The following FSTL5 variants were observed in gnomAD, a reference collection of about 807,000 sequenced individuals.
FSTL5 encodes the protein follistatin-related protein 5.
FSTL5 carries 62 observed loss-of-function variants against 89.1 expected under a neutral mutation model. The observed-to-expected ratio is 0.70, with a 90% CI of 0.57 to 0.86. The LOEUF (loss-of-function observed/expected upper bound fraction) is 0.86. Ranked by LOEUF, FSTL5 falls within the 40% of genes least tolerant of loss-of-function variation. FSTL5 has a pLI of 0.00. For synonymous variants in FSTL5, 383 were observed against 346.2 expected (o/e 1.11, Z -1.18); for missense variants, 1,057 against 1,001.6 (o/e 1.06, Z -0.75).
intron 7 of FSTL5, among the ~76,000 whole-genome samples, chr4:161,592,045 C>G (rs1360914579): frequency 1.3e-5 from 2 of 151,944 alleles, no homozygotes; most frequent in Non-Finnish European, 2.9e-5. Flanking sequence ...AAATTTGAGA[C>G]AAAACGCTCA....
At chr4:161,730,395 A>T (rs188638754) in intron 6 of FSTL5, among the ~76,000 whole-genome samples, 1 of 152,182 alleles carries the variant, frequency 6.6e-6, no homozygotes, top group Admixed American at 6.5e-5. Context: ...TAATTGAAAA[A>T]TATGTTATAT....
intron 3 of FSTL5, among the ~76,000 whole-genome samples, chr4:161,953,181 C>T (rs534795967): frequency 1.3e-5 from 2 of 151,616 alleles, no homozygotes; most frequent in Non-Finnish European, 1.5e-5. Flanking sequence ...TGTCTGTTTG[C>T]TCTCTGTATT....
At chr4:162,150,906 T>C (rs1164324234) in intron 1 of FSTL5, among the ~76,000 whole-genome samples, 1 of 152,178 alleles carries the variant, frequency 6.6e-6, no homozygotes, top group Admixed American at 6.5e-5. Context: ...TGCCAAATAA[T>C]AGCAAATTTT....
rs796646118 is a variant in FSTL5 at position 161,804,982 on chromosome 4, AG to A, written c.410-28909del. On this transcript the variant is annotated intron_variant, in intron 4 of 15. Transcript: ENST00000306100. The stretch of plus-strand genomic sequence containing the variant: ...TCATCCCAGAATACATGCTCTTTTG[AG>A]GCAACCTGCATTTAATGACCAGTGA... Among the ~76,000 whole-genome samples, 9 of 152,164 alleles carry A rather than the reference AG, an allele frequency of 5.9e-5. No homozygotes were observed. In the South Asian group the frequency reaches 1.9e-3, roughly 32 times the overall value.
intron 15 of FSTL5, among the ~76,000 whole-genome samples, chr4:161,429,264 G>C (rs189873089): frequency 6.6e-6 from 1 of 152,274 alleles, no homozygotes. Flanking sequence ...GGTATCTCTG[G>C]ACCTGCCCAG....
At chr4:161,564,331 A>G (rs1393142939) in intron 8 of FSTL5, among the ~76,000 whole-genome samples, 1 of 151,128 alleles carries the variant, frequency 6.6e-6, no homozygotes, top group Non-Finnish European at 1.5e-5. Context: ...CATAACAATA[A>G]GGAATCATTA....
chr4:162,081,985 T>C (rs1730118545), intron 2 of FSTL5, among the ~76,000 whole-genome samples: 1 of 151,682 alleles, frequency 6.6e-6, no homozygotes, highest in South Asian at 2.1e-4. Context: ...GGATTTTAAA[T>C]GTGCATTGAT....
At chr4:161,395,752 A>C (rs1168639057) in intron 15 of FSTL5, among the ~76,000 whole-genome samples, 2 of 152,134 alleles carry the variant, frequency 1.3e-5, no homozygotes, top group African/African-American at 4.8e-5. Context: ...TTATTAAGAA[A>C]GAGAAAGACC....
At chr4:161,661,677 T>C (rs1193960175) in intron 6 of FSTL5, among the ~76,000 whole-genome samples, 1 of 152,150 alleles carries the variant, frequency 6.6e-6, no homozygotes, top group Non-Finnish European at 1.5e-5. Context: ...ATTCATAAAT[T>C]TATTATGATG....
intron 4 of FSTL5, among the ~76,000 whole-genome samples, chr4:161,879,038 T>C (rs942192346): frequency 2.6e-5 from 4 of 152,202 alleles, no homozygotes; most frequent in Non-Finnish European, 5.9e-5. Context: ...AACTATTTAA[T>C]ACTCACTCCC....
chr4:161,687,307 A>T (rs950903611), intron 6 of FSTL5, among the ~76,000 whole-genome samples: 1 of 152,194 alleles, frequency 6.6e-6, no homozygotes, highest in Non-Finnish European at 1.5e-5. Flanking sequence ...TTCAGGATAC[A>T]GTCCATTGGT....
At chr4:161,924,391 G>C (rs1379887666) in intron 3 of FSTL5, among the ~76,000 whole-genome samples, 2 of 150,456 alleles carry the variant, frequency 1.3e-5, no homozygotes, top group African/African-American at 4.9e-5. Context: ...TTGTCTATAT[G>C]TATATCTAAT....
chr4:161,963,968 C>T (rs989551664), intron 3 of FSTL5, among the ~76,000 whole-genome samples: 1 of 151,764 alleles, frequency 6.6e-6, no homozygotes. Context: ...AGGTTATATA[C>T]AGAATTGAAT....
At chr4:161,653,256 G>C (rs1736402412) in intron 7 of FSTL5, among the ~76,000 whole-genome samples, 1 of 152,080 alleles carries the variant, frequency 6.6e-6, no homozygotes, top group African/African-American at 2.4e-5. Context: ...TTGGCCTATT[G>C]GAGACCCCAT....
chr4:161,797,237 G>A (rs577073775), intron 4 of FSTL5, among the ~76,000 whole-genome samples: 24 of 151,620 alleles, frequency 1.6e-4, no homozygotes, highest in African/African-American at 5.3e-4. Context: ...ATTTCTGAGG[G>A]TTGACTTTTT....
intron 8 of FSTL5, among the ~76,000 whole-genome samples, chr4:161,544,022 A>C (rs899586874): frequency 6.6e-6 from 1 of 152,070 alleles, no homozygotes; most frequent in South Asian, 2.1e-4. Context: ...AACTGTTACA[A>C]ATCAGCAGCT....
chr4:161,587,785 AT>A (rs1286031578), intron 7 of FSTL5, among the ~76,000 whole-genome samples: 1 of 152,222 alleles, frequency 6.6e-6, no homozygotes, highest in Non-Finnish European at 1.5e-5. Context: ...CATATCACTC[AT>A]AAATATAGCT....
intron 7 of FSTL5, among the ~76,000 whole-genome samples, chr4:161,589,654 T>C (rs1441816723): frequency 2.0e-5 from 3 of 152,028 alleles, no homozygotes; most frequent in Non-Finnish European, 4.4e-5. Context: ...ACAACAGCAG[T>C]TGTTTCGCAT....
chr4:161,728,185 T>C (rs927475383), intron 6 of FSTL5, among the ~76,000 whole-genome samples: 1 of 152,246 alleles, frequency 6.6e-6, no homozygotes, highest in East Asian at 1.9e-4. Flanking sequence ...CTTAACAGTT[T>C]TGAAGTTATA....
Sources: gnomAD v4.1 joint callset for allele counts (sites outside exome capture counted in the v4.1 genomes callset) on GRCh38, gnomAD v4.1.1 for gene constraint, MANE v1.5 for transcripts, NCBI Gene and HGNC (gene_info 2026-07-23, HGNC 2026-07-21) for gene names.